UBA3: variants seen among roughly 807,000 people sequenced by gnomAD.
The protein encoded by UBA3 is NEDD8-activating enzyme E1 catalytic subunit.
In UBA3, 26 loss-of-function variants were observed where a neutral mutation model predicts 73.5. The observed-to-expected ratio is 0.35, with a 90% CI of 0.26 to 0.49. UBA3 has a LOEUF of 0.49. Among genes scored for constraint, UBA3 ranks in the 20% least tolerant of loss-of-function variants. UBA3 has a pLI of 0.98. For missense variants in UBA3, 495 were observed against 555.6 expected, an observed-to-expected ratio of 0.89 and a Z score of 1.10; for synonymous variants, 217 against 191.2, an observed-to-expected ratio of 1.13 and a Z score of -1.11.
At chr3:69,057,137 CA>C in intron 12 of UBA3, 118 bp downstream of exon 12, 1 of 1,074,724 alleles carries the variant, frequency 9.3e-7, no homozygotes, top group Non-Finnish European at 1.4e-6. Flanking sequence ...TCTTTTTCGA[CA>C]GCTTAGTTAC....
chr3:69,058,907 C>G (rs1038664794), intron 11 of UBA3, among the ~76,000 whole-genome samples: 1 of 152,182 alleles, frequency 6.6e-6, no homozygotes, highest in Non-Finnish European at 1.5e-5. Flanking sequence ...AGAAAGTACA[C>G]ACCAAGCCCT....
At chr3:69,057,109 CA>C in intron 12 of UBA3, 146 bp downstream of exon 12, 1 of 907,618 alleles carries the variant, frequency 1.1e-6, no homozygotes. Context: ...AAAAAATATG[CA>C]AAGTCTAATA....
rs1444346638 is a variant in UBA3 at position 69,055,354 on chromosome 3, T to C, written c.*83A>G. 3.4e-6 allele frequency: 3 copies of C among 895,488 alleles called. No homozygotes were observed. Among genetic ancestry groups the C allele is most frequent in the Non-Finnish European group, 4.8e-6 (3 of 618,560 alleles). The allele number at this position is 895,488 out of a possible 1,614,324, so 55.5% of individuals were successfully genotyped here. On this transcript the variant is annotated 3_prime_UTR_variant, in exon 18 of 18. Transcript: ENST00000361055. The stretch of plus-strand genomic sequence containing the variant: ...AAAAGACAAATCGTGGCAACACTAT[T>C]GCTAAAAATGACATCGATTCAACTT...
At chr3:69,077,544 A>G in intron 3 of UBA3, 1 of 322,614 alleles carries the variant, frequency 3.1e-6, no homozygotes, top group Non-Finnish European at 5.7e-6. Flanking sequence ...AGCATTTTAA[A>G]TTTTTACATG....
chr3:69,056,378 C>T, intron 14 of UBA3, 95 bp from the exon 15 acceptor site: 1 of 1,109,074 alleles, frequency 9.0e-7, no homozygotes, highest in Non-Finnish European at 1.3e-6. Flanking sequence ...GTTTTATAAT[C>T]ATGCATATTT....
intron 5 of UBA3, 53 bp from the exon 6 acceptor site, chr3:69,068,061 C>T (rs1244509100): frequency 2.6e-6 from 3 of 1,160,752 alleles, no homozygotes; most frequent in East Asian, 2.8e-5. Context: ...ATATGATCTA[C>T]ATAACTTATT....
intron 7 of UBA3, 124 bp from the exon 8 acceptor site, chr3:69,063,627 G>GT (rs1458341435): frequency 1.2e-6 from 1 of 804,994 alleles, no homozygotes; most frequent in African/African-American, 1.8e-5. Flanking sequence ...TAGGAAGGTA[G>GT]TGTGTTTGTG....
At chr3:69,077,958 T>C in intron 2 of UBA3, 40 bp from the exon 3 acceptor site, 2 of 1,605,574 alleles carry the variant, frequency 1.2e-6, no homozygotes, top group Non-Finnish European at 1.7e-6. Context: ...AAGATCAGTA[T>C]GAAAAAAACC....
In UBA3 at chr3:69,063,432, TC is replaced by T. The variant is rs765569805; in HGVS notation, c.537+6del. 1 of 1,599,228 alleles carries T rather than the reference TC, an allele frequency of 6.3e-7. No individual in the cohort carries two copies. Among genetic ancestry groups the T allele is most frequent in the Non-Finnish European group, 8.5e-7 (1 of 1,175,882 alleles). On this transcript the variant is annotated splice_donor_region_variant and intron_variant, in intron 8 of 17. Transcript: ENST00000361055. ...TCAGAGAACTATAACAATACTAAAG[TC>T]TTTACCAGCATGCCATTTATCCATC...
intron 11 of UBA3, among the ~76,000 whole-genome samples, chr3:69,059,039 C>G (rs1280400488): frequency 6.6e-6 from 1 of 152,160 alleles, no homozygotes; most frequent in Non-Finnish European, 1.5e-5. Flanking sequence ...GTAACACATG[C>G]TCCAGACACT....
In UBA3 at chr3:69,077,826, G is replaced by A. The variant is rs1323005198; in HGVS notation, c.155C>T (p.Thr52Ile). Residue 52 changes from threonine (T) to isoleucine (I), a missense_variant, in exon 3 of 18, where the codon ACA (threonine) becomes ATA (isoleucine). Physicochemically the swap from Thr to Ile is moderately conservative, Grantham distance 89 (BLOSUM62 -1). Transcript: ENST00000361055. ...AGTGCTCGGTTCGAAATCAGGGTGT[G>A]TGAAGGGTCCAGATCGCTCGAGGAA... ...KKFLERSGPF[T>I]HPDFEPSTES... 5 of 1,613,688 alleles carry A rather than the reference G, an allele frequency of 3.1e-6. No individual in the cohort carries two copies. Among genetic ancestry groups the A allele is most frequent in the African/African-American group, 1.3e-5 (1 of 74,906 alleles).
chr3:69,073,684 G>A (rs2092140784), intron 4 of UBA3, among the ~76,000 whole-genome samples: 1 of 148,848 alleles, frequency 6.7e-6, no homozygotes, highest in Non-Finnish European at 1.5e-5. Context: ...TGCCCAGGCT[G>A]GAGTGCAGTG....
At chr3:69,059,129 C>T (rs968985149) in intron 11 of UBA3, among the ~76,000 whole-genome samples, 1 of 152,070 alleles carries the variant, frequency 6.6e-6, no homozygotes, top group Non-Finnish European at 1.5e-5. Context: ...GGAGATAACA[C>T]AAAAGTAAAT....
In UBA3 at chr3:69,056,852, T is replaced by C. The variant is rs1285982335; in HGVS notation, c.965-37A>G. On this transcript the variant is annotated intron_variant, in intron 12 of 17. Transcript: ENST00000361055. Reference sequence around the variant, plus strand: ...AGAAAATACAGGTGCTTTAACTCAATGGAAATTAGGCATGTTAAAAGTCAG... The same window carrying C: ...AGAAAATACAGGTGCTTTAACTCAACGGAAATTAGGCATGTTAAAAGTCAG... The C allele has an allele frequency of 3.1e-6, 5 of 1,595,092 alleles. No individual in the cohort carries two copies. The African/African-American group carries it at 5.4e-5, about 17-fold the overall frequency.
intron 11 of UBA3, chr3:69,061,552 G>T (rs2092021200): frequency 1.3e-5 from 4 of 314,874 alleles, no homozygotes; most frequent in Non-Finnish European, 2.3e-5. Context: ...GTCCAAATGT[G>T]AAATAGACTG....
intron 11 of UBA3, among the ~76,000 whole-genome samples, chr3:69,061,255 C>T (rs1017441794): frequency 1.3e-4 from 20 of 152,292 alleles, no homozygotes; most frequent in Admixed American, 1.3e-3. Flanking sequence ...AAAGCAGTGG[C>T]GCAATCTCAG....
In UBA3 at chr3:69,056,636, T is replaced by C; in HGVS notation, c.1059A>G (p.Thr353=). 3.7e-6 allele frequency: 6 copies of C among 1,612,876 alleles called. No individual in the cohort carries two copies. The highest frequency in any genetic ancestry group is 1.7e-4 in the Middle Eastern group (1 of 6,054). Reference sequence around the variant, plus strand: ...CCTTTCTTTCTGCTTCAAATGTGTATGTATACAGCCCATCTACATCATTAA... The same window carrying C: ...CCTTTCTTTCTGCTTCAAATGTGTACGTATACAGCCCATCTACATCATTAA... ...LVFNDVDGLY[T]YTFEAERKEN... The change falls in exon 14 of 18, where the codon ACA becomes ACG. Residue 353 remains threonine, a synonymous_variant. Transcript: ENST00000361055.
intron 4 of UBA3, among the ~76,000 whole-genome samples, chr3:69,072,458 T>G (rs2092128264): frequency 6.6e-6 from 1 of 152,188 alleles, no homozygotes; most frequent in South Asian, 2.1e-4. Context: ...ACCAATAACC[T>G]CCGTGTTGCT....
intron 9 of UBA3, among the ~76,000 whole-genome samples, chr3:69,062,665 C>T (rs992002467): frequency 7.9e-5 from 12 of 152,112 alleles, no homozygotes; most frequent in South Asian, 2.1e-4. Flanking sequence ...TCTTTATTTC[C>T]CTGAAATAAA....
Sources: gnomAD v4.1 joint callset for allele counts (sites outside exome capture counted in the v4.1 genomes callset) on GRCh38, gnomAD v4.1.1 for gene constraint, MANE v1.5 for transcripts, NCBI Gene and HGNC (gene_info 2026-07-23, HGNC 2026-07-21) for gene names.